Variants in VTI1A observed in about 807,000 individuals in gnomAD.
The protein encoded by VTI1A is vesicle transport through interaction with t-SNAREs 1A, also known as vesicle transport through interaction with t-SNAREs homolog 1A.
VTI1A carries 22 observed loss-of-function variants against 34.9 expected under a neutral mutation model. The ratio of observed to expected loss-of-function variants is 0.63; its 90% CI spans 0.45 to 0.90. VTI1A has a LOEUF of 0.90. Among genes scored for constraint, VTI1A ranks in the 40% least tolerant of loss-of-function variants. VTI1A has a pLI of 0.00. For synonymous variants in VTI1A, 87 were observed against 97.3 expected, an observed-to-expected ratio of 0.89 and a Z score of 0.62; for missense variants, 268 against 275.6, an observed-to-expected ratio of 0.97 and a Z score of 0.20.
At chr10:112,526,975 T>C in intron 3 of VTI1A, 112 bp from the exon 4 acceptor site, 1 of 920,516 alleles carries the variant, frequency 1.1e-6, no homozygotes, top group Non-Finnish European at 1.6e-6. Context: ...AGCCAATAGG[T>C]TTCCATTAGG....
chr10:112,593,786 G>C (rs990024734), intron 5 of VTI1A, among the ~76,000 whole-genome samples: 17 of 152,090 alleles, frequency 1.1e-4, no homozygotes, highest in African/African-American at 3.9e-4. Context: ...ACTCAGGCTG[G>C]AGTGCAGCGC....
intron 7 of VTI1A, among the ~76,000 whole-genome samples, chr10:112,775,223 A>C (rs2134028088): frequency 6.6e-6 from 1 of 152,344 alleles, no homozygotes; most frequent in East Asian, 1.9e-4. Context: ...GTTGGGATAA[A>C]GAAAAAGTTT....
chr10:112,668,052 T>C (rs1483585538), intron 5 of VTI1A, among the ~76,000 whole-genome samples, 166 bp from the exon 6 acceptor site: 1 of 152,208 alleles, frequency 6.6e-6, no homozygotes. Flanking sequence ...AATAGATAAA[T>C]TTATCAAATA....
At chr10:112,718,178 A>G (rs1338390876) in intron 7 of VTI1A, among the ~76,000 whole-genome samples, 1 of 152,198 alleles carries the variant, frequency 6.6e-6, no homozygotes, top group Non-Finnish European at 1.5e-5. Context: ...CAGATCTTTC[A>G]TGGAGAGGCC....
At chr10:112,574,006 C>T (rs1852237269) in intron 5 of VTI1A, among the ~76,000 whole-genome samples, 1 of 152,100 alleles carries the variant, frequency 6.6e-6, no homozygotes, top group South Asian at 2.1e-4. Flanking sequence ...TATAATTGTT[C>T]ATTCTCATAG....
Position 112,818,594 on chromosome 10 carries a change from A to G in VTI1A, c.*3211A>G, listed in dbSNP as rs1853589664. ...ACTGACTGACAGCCGTCAGTCCCAG[A>G]GGGGCTCATTAAATCATAAAAACTT... is the stretch of plus-strand genomic sequence containing the variant. On this transcript the variant is annotated 3_prime_UTR_variant, in exon 8 of 8. Coordinates refer to ENST00000393077, the MANE Select transcript of VTI1A (RefSeq NM_145206.4). 4.5e-6 allele frequency: 1 copy of G among 221,304 alleles called. No homozygotes were observed. Among genetic ancestry groups the G allele is most frequent in the Non-Finnish European group, 9.1e-6 (1 of 110,262 alleles). The allele number at this position is 221,304 out of a possible 1,614,324, so 13.7% of individuals were successfully genotyped here. A position where few individuals can be genotyped will look rare whatever the true frequency, so the allele number is the denominator to read the frequency against.
chr10:112,672,489 C>G (rs1847886479), intron 7 of VTI1A, among the ~76,000 whole-genome samples: 1 of 152,178 alleles, frequency 6.6e-6, no homozygotes, highest in Non-Finnish European at 1.5e-5. Context: ...TGTTCATTTC[C>G]TAACTCTGTA....
chr10:112,546,104 G>A (rs753072394), intron 5 of VTI1A, among the ~76,000 whole-genome samples: 1 of 146,596 alleles, frequency 6.8e-6, no homozygotes, highest in Non-Finnish European at 1.5e-5. Context: ...GTGTATATAC[G>A]TGTATACACG....
chr10:112,677,890 C>T (rs1282696763), intron 7 of VTI1A: 1 of 152,240 alleles, frequency 6.6e-6, no homozygotes, highest in Non-Finnish European at 1.5e-5. Context: ...TTGTGAGATA[C>T]TGCTGGTCAG....
intron 7 of VTI1A, among the ~76,000 whole-genome samples, chr10:112,785,730 C>A (rs1424899545): frequency 1.3e-5 from 2 of 152,020 alleles, no homozygotes; most frequent in East Asian, 3.8e-4. Context: ...TACCCAATTT[C>A]TCTATTAAAT....
intron 7 of VTI1A, among the ~76,000 whole-genome samples, chr10:112,686,689 C>T (rs1023807697): frequency 6.6e-6 from 1 of 152,148 alleles, no homozygotes; most frequent in Non-Finnish European, 1.5e-5. Context: ...GCAAAGTCAG[C>T]CACGGTGTAA....
chr10:112,536,586 A>G (rs565203820), intron 4 of VTI1A, among the ~76,000 whole-genome samples: 2 of 151,666 alleles, frequency 1.3e-5, no homozygotes, highest in East Asian at 3.9e-4. Context: ...ATTTATATTT[A>G]TATTTTTTTT....
chr10:112,723,525 G>A lies in VTI1A; in HGVS notation c.560+54527G>A, dbSNP rs149988573. Among the ~76,000 whole-genome samples, 511 of 152,222 alleles carry A rather than the reference G, an allele frequency of 3.4e-3. 4 individuals are homozygous for A. Among genetic ancestry groups the A allele is most frequent in the African/African-American group, 0.011 (443 of 41,540 alleles). On this transcript the variant is annotated intron_variant, in intron 7 of 7. Transcript: ENST00000393077. The stretch of plus-strand genomic sequence containing the variant: ...AAGGGTCAGGCTGGGTTTCTGTTTC[G>A]TAACTGGGAAAGGCATGTACTGCAT...
chr10:112,659,388 G>A (rs1382891895), intron 5 of VTI1A, among the ~76,000 whole-genome samples: 2 of 152,092 alleles, frequency 1.3e-5, no homozygotes, highest in Non-Finnish European at 2.9e-5. Flanking sequence ...TTTTTGAATG[G>A]AGCTGTAATT....
chr10:112,791,259 C>G (rs1590187949), intron 7 of VTI1A, among the ~76,000 whole-genome samples: 1 of 152,156 alleles, frequency 6.6e-6, no homozygotes, highest in African/African-American at 2.4e-5. Context: ...TCAGGCGCAA[C>G]AAAAGGTACA....
At chr10:112,774,320 C>A (rs1252197401) in intron 7 of VTI1A, among the ~76,000 whole-genome samples, 2 of 152,188 alleles carry the variant, frequency 1.3e-5, no homozygotes, top group Admixed American at 1.3e-4. Flanking sequence ...TCTCATAGTT[C>A]CACCTCACTT....
At chr10:112,450,930 T>G (rs1847213327) in intron 1 of VTI1A, among the ~76,000 whole-genome samples, 1 of 152,200 alleles carries the variant, frequency 6.6e-6, no homozygotes, top group African/African-American at 2.4e-5. Flanking sequence ...AATTCTTAAG[T>G]GGGGAATGTT....
intron 5 of VTI1A, among the ~76,000 whole-genome samples, chr10:112,649,403 CTT>C (rs1280149245): frequency 9.2e-5 from 14 of 152,158 alleles, no homozygotes; most frequent in Non-Finnish European, 1.6e-4. Context: ...TGAAGTGTGG[CTT>C]ATCATATTAC....
At chr10:112,626,335 C>CA (rs1845921808) in intron 5 of VTI1A, among the ~76,000 whole-genome samples, 2 of 152,050 alleles carry the variant, frequency 1.3e-5, no homozygotes, top group Non-Finnish European at 2.9e-5. Context: ...TTTTAATCTA[C>CA]ATCTTCAAAA....
Sources: allele counts gnomAD v4.1 joint callset (sites outside exome capture counted in the v4.1 genomes callset), GRCh38; gene constraint gnomAD v4.1.1; transcripts MANE v1.5; gene names NCBI Gene and HGNC (gene_info 2026-07-23, HGNC 2026-07-21).